FSTL5: variants seen among roughly 807,000 people sequenced by gnomAD.
The protein encoded by FSTL5 is follistatin like 5.
FSTL5 carries 62 observed loss-of-function variants against 89.1 expected under a neutral mutation model. The ratio of observed to expected loss-of-function variants is 0.70; its 90% confidence interval spans 0.57 to 0.86. The LOEUF is 0.86. Ranked by LOEUF, FSTL5 falls within the 40% of genes least tolerant of loss-of-function variation. The pLI is 0.00. For missense variants in FSTL5, 1,057 were observed against 1,001.6 expected (o/e 1.06, Z -0.75); for synonymous variants, 383 against 346.2 (o/e 1.11, Z -1.18).
chr4:161,527,340 C>T (rs533424401), intron 10 of FSTL5, among the ~76,000 whole-genome samples: 1 of 152,060 alleles, frequency 6.6e-6, no homozygotes. Flanking sequence ...AAGAAACTAC[C>T]ATCAGAGTGA....
Position 161,835,639 on chromosome 4 carries a change from T to C in FSTL5, c.410-59565A>G, listed in dbSNP as rs1321802846. Among the ~76,000 whole-genome samples, 684 of 151,664 alleles carry C rather than the reference T, an allele frequency of 4.5e-3. 5 individuals carry two copies. The highest frequency in any genetic ancestry group is 0.015 in the African/African-American group (629 of 41,356). ...ACAAACAACCCCATCAAAAAGTGGG[T>C]GAAGGACATGAACAGACACTTCTCA... On this transcript the variant is annotated intron_variant, in intron 4 of 15. Coordinates refer to ENST00000306100, the MANE Select transcript of FSTL5 (RefSeq NM_020116.5).
At chr4:161,587,655 G>C in intron 7 of FSTL5, 80 bp from the exon 8 acceptor site, 2 of 1,084,144 alleles carry the variant, frequency 1.8e-6, no homozygotes, top group Non-Finnish European at 2.7e-6. Context: ...GTGTATTCAG[G>C]TACAAAACAA....
At chr4:161,742,647 T>C (rs1740066759) in intron 6 of FSTL5, among the ~76,000 whole-genome samples, 1 of 152,180 alleles carries the variant, frequency 6.6e-6, no homozygotes, top group South Asian at 2.1e-4. Context: ...CATGTGACAG[T>C]GTCCAGTGGG....
intron 7 of FSTL5, among the ~76,000 whole-genome samples, chr4:161,606,655 G>A (rs921288968): frequency 6.6e-6 from 1 of 151,886 alleles, no homozygotes; most frequent in African/African-American, 2.4e-5. Context: ...ATTTTGTTTC[G>A]TTTTCTTAAG....
intron 2 of FSTL5, among the ~76,000 whole-genome samples, chr4:162,105,970 T>C (rs958612361): frequency 7.9e-5 from 12 of 152,098 alleles, no homozygotes; most frequent in African/African-American, 2.9e-4. Context: ...AGTTTTGATG[T>C]TTTCTTTAAT....
chr4:162,020,687 ACT>A (rs1737051775), intron 3 of FSTL5, among the ~76,000 whole-genome samples: 1 of 151,974 alleles, frequency 6.6e-6, no homozygotes, highest in Non-Finnish European at 1.5e-5. Flanking sequence ...TAATTATTTG[ACT>A]CTATTTTACC....
chr4:161,621,891 G>A (rs970908741), intron 7 of FSTL5, among the ~76,000 whole-genome samples: 2 of 151,380 alleles, frequency 1.3e-5, no homozygotes, highest in Non-Finnish European at 2.9e-5. Flanking sequence ...CCAGGTACTC[G>A]GGAGGCTGAG....
At chr4:161,987,468 A>ATG (rs1003501160) in intron 3 of FSTL5, among the ~76,000 whole-genome samples, 36 of 144,294 alleles carry the variant, frequency 2.5e-4, no homozygotes, top group African/African-American at 8.1e-4. Flanking sequence ...TTATATATAT[A>ATG]TGTATATATA....
chr4:161,836,926 A>G (rs1731062700), intron 4 of FSTL5, among the ~76,000 whole-genome samples: 4 of 152,108 alleles, frequency 2.6e-5, no homozygotes, highest in Admixed American at 1.3e-4. Context: ...GAACAAAAAG[A>G]GGAAGAATAG....
intron 4 of FSTL5, among the ~76,000 whole-genome samples, chr4:161,870,444 T>C (rs79534569): frequency 0.039 from 6,007 of 152,170 alleles, 188 homozygotes; most frequent in East Asian, 0.15. Flanking sequence ...GTTCAAAATA[T>C]CTGAATAATA....
intron 6 of FSTL5, among the ~76,000 whole-genome samples, chr4:161,672,895 A>AGCT (rs1332528290): frequency 6.6e-6 from 1 of 152,042 alleles, no homozygotes; most frequent in Non-Finnish European, 1.5e-5. Context: ...TACTCTAAAT[A>AGCT]TGTACTTCTC....
intron 1 of FSTL5, among the ~76,000 whole-genome samples, chr4:162,161,397 G>C (rs1335540457): frequency 6.6e-6 from 1 of 151,696 alleles, no homozygotes; most frequent in African/African-American, 2.4e-5. Flanking sequence ...GCTTATGATG[G>C]GAATCTAATT....
intron 6 of FSTL5, among the ~76,000 whole-genome samples, chr4:161,676,675 G>A (rs925076431): frequency 3.0e-4 from 46 of 150,838 alleles, no homozygotes; most frequent in Non-Finnish European, 5.2e-4. Flanking sequence ...AAATAATAAA[G>A]TAAATAAATT....
chr4:162,075,144 C>T (rs1729785865), intron 2 of FSTL5, among the ~76,000 whole-genome samples: 1 of 151,742 alleles, frequency 6.6e-6, no homozygotes, highest in Non-Finnish European at 1.5e-5. Flanking sequence ...CCCATGAAGA[C>T]TCGAAGCCAA....
At chr4:162,010,117 T>G (rs952733540) in intron 3 of FSTL5, among the ~76,000 whole-genome samples, 2 of 152,088 alleles carry the variant, frequency 1.3e-5, no homozygotes, top group Non-Finnish European at 2.9e-5. Context: ...TTTATAGAGT[T>G]CAACATACTG....
chr4:162,053,001 G>C (rs1738431405), intron 2 of FSTL5, among the ~76,000 whole-genome samples: 1 of 151,682 alleles, frequency 6.6e-6, no homozygotes, highest in Non-Finnish European at 1.5e-5. Flanking sequence ...GAGTTACATA[G>C]GGAATTGTGA....
At chr4:161,958,389 G>C (rs1432468935) in intron 3 of FSTL5, among the ~76,000 whole-genome samples, 1 of 151,988 alleles carries the variant, frequency 6.6e-6, no homozygotes, top group Non-Finnish European at 1.5e-5. Context: ...GCTGAATTTT[G>C]ATTTGATAGA....
chr4:161,502,666 G>T (rs1730337578), intron 11 of FSTL5, among the ~76,000 whole-genome samples: 1 of 151,666 alleles, frequency 6.6e-6, no homozygotes, highest in Non-Finnish European at 1.5e-5. Flanking sequence ...TAGATATTTT[G>T]CCATTTACAT....
rs1479185885 is a variant in FSTL5, at chr4:161,530,381, TTACA to T, written c.1312+7781_1312+7784del. ...TTTCATTTTGATAATAATTATTAAC[TTACA>T]TAAATAGTATATGTTTATATAATTT... On this transcript the variant is annotated intron_variant, in intron 10 of 15. Transcript: ENST00000306100. Among the ~76,000 whole-genome samples the T allele has an allele frequency of 1.4e-5, 2 of 142,532 alleles. 1 individual carries two copies. The highest frequency in any genetic ancestry group is 3.1e-5 in the Non-Finnish European group (2 of 64,992). The allele number at this position is 142,532 out of a possible 152,430, so 93.5% of individuals were successfully genotyped here.
Sources: gnomAD v4.1 joint callset for allele counts (sites outside exome capture counted in the v4.1 genomes callset) on GRCh38, gnomAD v4.1.1 for gene constraint, MANE v1.5 for transcripts, NCBI Gene and HGNC (gene_info 2026-07-23, HGNC 2026-07-21) for gene names.